Variants in PDE3B observed in about 807,000 individuals in gnomAD.
PDE3B encodes the protein phosphodiesterase 3B.
A neutral mutation model predicts 116.8 loss-of-function variants in PDE3B; 66 were observed. That is an observed-to-expected ratio of 0.56 (90% CI 0.46 to 0.69). The LOEUF is 0.69. PDE3B is among the 30% of genes least tolerant of loss of function. The pLI, the probability that PDE3B is intolerant of heterozygous loss-of-function variation, is 0.00. For missense variants in PDE3B, 1,384 were observed against 1,368.1 expected (o/e 1.01, Z -0.18); for synonymous variants, 595 against 533.6 (o/e 1.12, Z -1.59).
intron 1 of PDE3B, among the ~76,000 whole-genome samples, chr11:14,716,067 C>G (rs577780237): frequency 6.6e-6 from 1 of 152,026 alleles, no homozygotes; most frequent in African/African-American, 2.4e-5. Context: ...GTGTGCGCAC[C>G]GTGCGCGAGC....
Position 14,700,412 on chromosome 11 carries a change from C to A in PDE3B, c.978+55359C>A, listed in dbSNP as rs1284427236. On this transcript the variant is annotated intron_variant, in intron 1 of 15. Coordinates refer to ENST00000282096, the MANE Select transcript of PDE3B (RefSeq NM_000922.4). ...GATTTTATTAATGCTGTAAAACTGT[C>A]AAAAATAAGTATTTAGAAAGGCATA... Among the ~76,000 whole-genome samples, 5 of 150,420 alleles carry A rather than the reference C, an allele frequency of 3.3e-5. No individual in the cohort carries two copies. In the East Asian group the frequency reaches 9.7e-4, roughly 29 times the overall value.
intron 1 of PDE3B, among the ~76,000 whole-genome samples, chr11:14,765,395 G>A (rs190220306): frequency 6.6e-6 from 1 of 151,858 alleles, no homozygotes; most frequent in Non-Finnish European, 1.5e-5. Flanking sequence ...TGTGGTTTTG[G>A]TGGTTTTGTA....
intron 14 of PDE3B, among the ~76,000 whole-genome samples, chr11:14,864,747 C>G (rs1555007796): frequency 6.6e-6 from 1 of 152,066 alleles, no homozygotes; most frequent in Admixed American, 6.6e-5. Flanking sequence ...AACGGAACAA[C>G]CTGCTCCTGA....
chr11:14,699,608 G>A (rs531454785), intron 1 of PDE3B, among the ~76,000 whole-genome samples: 4 of 151,722 alleles, frequency 2.6e-5, no homozygotes, highest in East Asian at 1.9e-4. Flanking sequence ...GGAAATGTTT[G>A]GCGTCTTTAT....
At chr11:14,773,173 G>T (rs910694777) in intron 2 of PDE3B, 3 of 151,436 alleles carry the variant, frequency 2.0e-5, no homozygotes, top group Non-Finnish European at 4.4e-5. Context: ...GTTATGAGTG[G>T]GTATATAATT....
Position 14,860,549 on chromosome 11 carries a change from G to A in PDE3B, c.2725-656G>A, listed in dbSNP as rs571569000. On this transcript the variant is annotated intron_variant, in intron 13 of 15. Coordinates refer to ENST00000282096, the MANE Select transcript of PDE3B (RefSeq NM_000922.4). The stretch of plus-strand genomic sequence containing the variant: ...TAAATAACAATATTTAACATTTTCC[G>A]TGAACAAGGCATTTTTTCATTTATT... 6.6e-5 allele frequency among the ~76,000 whole-genome samples: 10 copies of A among 151,940 alleles called. No homozygotes were observed. In the East Asian group the frequency reaches 7.7e-4, roughly 12 times the overall value.
intron 1 of PDE3B, among the ~76,000 whole-genome samples, chr11:14,678,345 T>A (rs1418187493): frequency 6.6e-6 from 1 of 152,212 alleles, no homozygotes; most frequent in Non-Finnish European, 1.5e-5. Context: ...TTTATTCCTC[T>A]AGTGTAATAC....
At chr11:14,707,954 G>C (rs1643118624) in intron 1 of PDE3B, among the ~76,000 whole-genome samples, 1 of 151,994 alleles carries the variant, frequency 6.6e-6, no homozygotes, top group Admixed American at 6.6e-5. Flanking sequence ...GTATACCTAT[G>C]GAGAAGCATC....
intron 1 of PDE3B, among the ~76,000 whole-genome samples, chr11:14,704,085 A>T (rs185835577): frequency 1.6e-3 from 239 of 151,872 alleles, no homozygotes; most frequent in African/African-American, 5.7e-3. Context: ...AGGTCTATAG[A>T]TTTAACAAGT....
intron 1 of PDE3B, among the ~76,000 whole-genome samples, chr11:14,759,588 C>T (rs912903519): frequency 7.4e-5 from 10 of 134,692 alleles, no homozygotes; most frequent in Non-Finnish European, 1.2e-4. Context: ...CTTGCTTTGT[C>T]GCCTGGTTGG....
At chr11:14,826,666 G>A (rs1859699564) in intron 7 of PDE3B, among the ~76,000 whole-genome samples, 1 of 152,008 alleles carries the variant, frequency 6.6e-6, no homozygotes, top group Non-Finnish European at 1.5e-5. Flanking sequence ...ATAAAGCCCA[G>A]GACCAGATGG....
chr11:14,893,034 T>G, the PDE3B span, among the ~76,000 whole-genome samples: 1 of 152,226 alleles, frequency 6.6e-6, no homozygotes. Context: ...TTACTGGGTT[T>G]GGGACTCTTC....
intron 1 of PDE3B, among the ~76,000 whole-genome samples, chr11:14,759,940 T>C (rs1006976537): frequency 5.3e-5 from 8 of 152,196 alleles, no homozygotes; most frequent in African/African-American, 1.9e-4. Flanking sequence ...CTATTGTTTA[T>C]CAGTTGAAAA....
intron 1 of PDE3B, among the ~76,000 whole-genome samples, chr11:14,658,915 A>G (rs961245467): frequency 1.3e-5 from 2 of 152,168 alleles, no homozygotes; most frequent in African/African-American, 2.4e-5. Context: ...CATATATCAA[A>G]TAGTTTATTG....
the PDE3B span, chr11:14,878,025 T>C: frequency 7.4e-7 from 1 of 1,343,012 alleles, no homozygotes; most frequent in South Asian, 1.3e-5. Context: ...TTTTTGATGC[T>C]GTGACTTTTA....
chr11:14,835,150 T>C, intron 11 of PDE3B, 55 bp downstream of exon 11: 1 of 1,099,308 alleles, frequency 9.1e-7, no homozygotes. Context: ...TAAATCAAGC[T>C]TTCTCATTTC....
In PDE3B at chr11:14,799,519, A is replaced by G. The variant is rs576578962; in HGVS notation, c.1416-4425A>G. On this transcript the variant is annotated intron_variant, in intron 4 of 15. Coordinates refer to ENST00000282096, the MANE Select transcript of PDE3B (RefSeq NM_000922.4). ...TTTCTGTCTCGTTGATCTGTCTAAT[A>G]TTGACAGTAGGGTGTTAAAGTCTCC... 7.8e-4 allele frequency among the ~76,000 whole-genome samples: 119 copies of G among 152,048 alleles called. 1 individual carries two copies. Among genetic ancestry groups the G allele is most frequent in the Non-Finnish European group, 1.4e-3 (95 of 67,994 alleles).
Position 14,644,151 on chromosome 11 carries a change from A to T in PDE3B, c.76A>T (p.Ser26Cys), listed in dbSNP as rs139611731. The T allele has an allele frequency of 1.4e-5, 23 of 1,591,316 alleles. No homozygotes were observed. In the African/African-American group the frequency reaches 2.2e-4, roughly 15 times the overall value. The change falls in exon 1 of 16, where the codon AGT (serine) becomes TGT (cysteine). Residue 26 changes from serine to cysteine, a missense_variant. Transcript: ENST00000282096. ...GGATGGGGCCGGCTCGCCCCCCGAG[A>T]GTCTGAGGAACGGCTACGTGAAGAG... ...PPDGAGSPPE[S>C]LRNGYVKSCV... is the part of the protein sequence containing the mutation.
intron 1 of PDE3B, among the ~76,000 whole-genome samples, chr11:14,761,004 A>G (rs987022887): frequency 3.9e-5 from 6 of 152,132 alleles, no homozygotes; most frequent in African/African-American, 1.4e-4. Context: ...CTATACTAGA[A>G]CTTATTCCTT....
Sources: allele counts gnomAD v4.1 joint callset (sites outside exome capture counted in the v4.1 genomes callset), GRCh38; gene constraint gnomAD v4.1.1; transcripts MANE v1.5; gene names NCBI Gene and HGNC (gene_info 2026-07-23, HGNC 2026-07-21).